PIM2: variants seen among roughly 807,000 people sequenced by gnomAD.
PIM2 encodes Pim-2 proto-oncogene, serine/threonine kinase.
Under a neutral mutation model 18.0 loss-of-function variants are expected in PIM2, and 3 were observed. The ratio of observed to expected loss-of-function variants is 0.17; its 90% CI spans 0.08 to 0.43. The LOEUF is 0.43. PIM2 is among the 20% of genes least tolerant of loss of function. The pLI, the probability that PIM2 is intolerant of heterozygous loss-of-function variation, is 0.99. For synonymous variants in PIM2, 117 were observed against 105.3 expected, an observed-to-expected ratio of 1.11 and a Z score of -0.68; for missense variants, 181 against 260.8, an observed-to-expected ratio of 0.69 and a Z score of 2.11.
At chrX:48,917,314 C>T (rs782500332) in intron 3 of PIM2, among the ~76,000 whole-genome samples, 2 of 111,951 alleles carry the variant, frequency 1.8e-5, no homozygotes, top group Non-Finnish European at 3.8e-5. Flanking sequence ...GTTTTCTCAC[C>T]GAGATGCAAA....
At position 48,914,089 on chromosome X, in the gene PIM2, G is replaced by T; in HGVS notation, c.*42C>A. 1 of 839,057 alleles carries T rather than the reference G, an allele frequency of 1.2e-6. No individual in the cohort carries two copies. 69.1% of individuals were successfully genotyped at this position (839,057 alleles called of 1,213,427 possible). A position where few individuals can be genotyped will look rare whatever the true frequency, so the allele number is the denominator to read the frequency against. The stretch of plus-strand genomic sequence containing the variant: ...TATCCCTGTGACATGGCCATGGGAT[G>T]GCTCTTCTGACCATTGGGGGCCAGG... On this transcript the variant is annotated 3_prime_UTR_variant, in exon 6 of 6. Transcript: ENST00000376509.
intron 2 of PIM2, among the ~76,000 whole-genome samples, chrX:48,918,324 TA>T (rs1468589247): frequency 1.2e-4 from 2 of 17,289 alleles, no homozygotes; most frequent in Non-Finnish European, 2.1e-4. Context: ...CATAACCTCC[TA>T]GACCGACACA....
Position 48,915,193 on chromosome X carries a change from C to A in PIM2, c.422G>T (p.Arg141Leu). The part of the protein sequence containing the change: ...EKGPLGEGPS[R>L]CFFGQVVAAI... ...TGCCACTACTTGGCCAAAGAAGCAG[C>A]GGCTTGGGCCTTCACCCAGTGGGCC... The change falls in exon 4 of 6, where the codon CGC becomes CTC. Residue 141 changes from arginine to leucine, a missense_variant. Around this residue, in one of 5 missense-constraint regions of PIM2, gnomAD observed 104 missense variants for 125.3 expected, o/e 0.83. Transcript: ENST00000376509. 1 of 1,212,052 alleles carries A rather than the reference C, an allele frequency of 8.3e-7. No individual in the cohort carries two copies. The highest frequency in any genetic ancestry group is 1.1e-6 in the Non-Finnish European group (1 of 895,368).
At chrX:48,916,392 C>G (rs2063562793) in intron 3 of PIM2, among the ~76,000 whole-genome samples, 1 of 112,823 alleles carries the variant, frequency 8.9e-6, no homozygotes, top group Non-Finnish European at 1.9e-5. Flanking sequence ...GTCAGCATCA[C>G]CAAGCACCTA....
Position 48,918,588 on chromosome X carries a change from T to G in PIM2, c.119A>C (p.Lys40Thr). The G allele has an allele frequency of 8.3e-7, 1 of 1,206,287 alleles. No individual in the cohort carries two copies. The highest frequency in any genetic ancestry group is 1.1e-6 in the Non-Finnish European group (1 of 892,072). Reference sequence around the variant, plus strand: ...TGCGAAGACGGTGCCAAAGCCCCCCTTACCCAGGAGGGGGCCGAGTCGATA... The same window carrying G: ...TGCGAAGACGGTGCCAAAGCCCCCCGTACCCAGGAGGGGGCCGAGTCGATA... Reference protein sequence around the residue: ...AEYRLGPLLGKGGFGTVFAGH... With the variant: ...AEYRLGPLLGTGGFGTVFAGH... Residue 40 changes from lysine (K) to threonine (T), a missense_variant, in exon 2 of 6, where the codon AAG becomes ACG. By Grantham distance (78) the Lys-to-Thr change is moderately conservative. Around this residue, in one of 5 missense-constraint regions of PIM2, gnomAD observed 104 missense variants for 125.3 expected, o/e 0.83. Coordinates refer to ENST00000376509, the MANE Select transcript of PIM2 (RefSeq NM_006875.4).
In PIM2 at chrX:48,918,598, G is replaced by T. The variant is rs782014876; in HGVS notation, c.109C>A (p.Leu37Ile). Residue 37 changes from leucine to isoleucine, a missense_variant, in exon 2 of 6, where the codon CTC (leucine) becomes ATC (isoleucine). Coordinates refer to ENST00000376509, the MANE Select transcript of PIM2 (RefSeq NM_006875.4). ...AFEAEYRLGP[L>I]LGKGGFGTVF... ...GTGCCAAAGCCCCCCTTACCCAGGAGGGGGCCGAGTCGATACTCGGCCTCG... is the reference window on the plus strand; with the variant it reads ...GTGCCAAAGCCCCCCTTACCCAGGATGGGGCCGAGTCGATACTCGGCCTCG... 1.7e-6 allele frequency: 2 copies of T among 1,207,740 alleles called. No individual in the cohort carries two copies. The highest frequency in any genetic ancestry group is 2.2e-6 in the Non-Finnish European group (2 of 893,054).
At chrX:48,914,915 T>C in intron 4 of PIM2, 105 bp downstream of exon 4, 2 of 704,591 alleles carry the variant, frequency 2.8e-6, no homozygotes, top group Non-Finnish European at 4.2e-6. Flanking sequence ...TCTTATATAA[T>C]GCAGTATGGG....
chrX:48,918,931 C>G lies in PIM2; in HGVS notation c.-97G>C. 4 of 726,765 alleles carry G rather than the reference C, an allele frequency of 5.5e-6. No individual in the cohort carries two copies. Among genetic ancestry groups the G allele is most frequent in the Non-Finnish European group, 8.1e-6 (4 of 495,109 alleles). The allele number at this position is 726,765 out of a possible 1,213,427, so 59.9% of individuals were successfully genotyped here. On this transcript the variant is annotated 5_prime_UTR_variant, in exon 1 of 6. Coordinates refer to ENST00000376509, the MANE Select transcript of PIM2 (RefSeq NM_006875.4). The stretch of plus-strand genomic sequence containing the variant: ...CAGCTGGGGAGCCAGGGCTGGGGGG[C>G]GCCAGGGTGGAAAGCAGAGAAACTG...
At position 48,913,960 on chromosome X, in the gene PIM2, T is replaced by C; in HGVS notation, c.*171A>G. ...GGATTGGGAAGGGAACTGGGCAGACTTGGTTTATGTCTTCTAACCCCTGAT... is the reference window on the plus strand; with the variant it reads ...GGATTGGGAAGGGAACTGGGCAGACCTGGTTTATGTCTTCTAACCCCTGAT... On this transcript the variant is annotated 3_prime_UTR_variant, in exon 6 of 6. Coordinates refer to ENST00000376509, the MANE Select transcript of PIM2 (RefSeq NM_006875.4). The C allele has an allele frequency of 2.5e-6, 1 of 394,490 alleles. No individual in the cohort carries two copies. The highest frequency in any genetic ancestry group is 4.4e-6 in the Non-Finnish European group (1 of 227,876). 32.5% of individuals were successfully genotyped at this position (394,490 alleles called of 1,213,427 possible). A position where few individuals can be genotyped will look rare whatever the true frequency, so the allele number is the denominator to read the frequency against.
rs1557045619 is a variant in PIM2, at chrX:48,918,875, A to C, written c.-41T>G. ...CAGATTGAGCCCACTGAACCCGCTA[A>C]GCCCGCAGGGCGTGGACGCCCGGGG... On this transcript the variant is annotated 5_prime_UTR_variant, in exon 1 of 6. Transcript: ENST00000376509. 20 of 1,139,630 alleles carry C rather than the reference A, an allele frequency of 1.8e-5. No homozygotes were observed. The highest frequency in any genetic ancestry group is 2.2e-5 in the Non-Finnish European group (19 of 846,064). 93.9% of individuals were successfully genotyped at this position (1,139,630 alleles called of 1,213,427 possible). A position where few individuals can be genotyped will look rare whatever the true frequency, so the allele number is the denominator to read the frequency against.
rs1294379509 is a variant in PIM2 at position 48,918,649 on chromosome X, C to G, written c.62-4G>C. 1 of 1,181,755 alleles carries G rather than the reference C, an allele frequency of 8.5e-7. No homozygotes were observed. The highest frequency in any genetic ancestry group is 1.8e-5 in the African/African-American group (1 of 56,056). ...AACGCTTCCCGATCCTTGCCTCCTACGCAGGCGGAGGCGAGGAAGTCAGGG... is the reference window on the plus strand; with the variant it reads ...AACGCTTCCCGATCCTTGCCTCCTAGGCAGGCGGAGGCGAGGAAGTCAGGG... On this transcript the variant is annotated splice_region_variant and splice_polypyrimidine_tract_variant and intron_variant, in intron 1 of 5. Transcript: ENST00000376509.
intron 4 of PIM2, 84 bp downstream of exon 4, chrX:48,914,936 C>T (rs1008989930): frequency 2.3e-6 from 2 of 883,763 alleles, no homozygotes; most frequent in Non-Finnish European, 3.2e-6. Flanking sequence ...TCAAGGATTA[C>T]AGGACACCCC....
At chrX:48,917,012 G>A (rs1359920512) in intron 3 of PIM2, among the ~76,000 whole-genome samples, 5 of 109,974 alleles carry the variant, frequency 4.5e-5, no homozygotes, top group Non-Finnish European at 9.5e-5. Flanking sequence ...AAAATTAGCC[G>A]GGCATGGTTG....
rs782445437 is a variant in PIM2, at chrX:48,915,054, G to A, written c.561C>T (p.Ala187=). 10 of 1,206,901 alleles carry A rather than the reference G, an allele frequency of 8.3e-6. No individual in the cohort carries two copies. The Admixed American group carries it at 1.8e-4, about 21-fold the overall frequency. ...CAGTGTAGGGTTCATCATGAAGCAG[G>A]GCACCAGAACCAAAATCAATGAGTT... The part of the protein sequence containing the change: ...CAKLIDFGSG[A]LLHDEPYTDF... The change falls in exon 4 of 6, where the codon GCC becomes GCT. Residue 187 remains alanine (A), a synonymous_variant. Transcript: ENST00000376509.
In PIM2 at chrX:48,918,916, G is replaced by A; in HGVS notation, c.-82C>T. On this transcript the variant is annotated 5_prime_UTR_variant, in exon 1 of 6. Coordinates refer to ENST00000376509, the MANE Select transcript of PIM2 (RefSeq NM_006875.4). ...ACGCCCGGGGCAGCGCAGCTGGGGAGCCAGGGCTGGGGGGCGCCAGGGTGG... is the reference window on the plus strand; with the variant it reads ...ACGCCCGGGGCAGCGCAGCTGGGGAACCAGGGCTGGGGGGCGCCAGGGTGG... 1.2e-6 allele frequency: 1 copy of A among 860,601 alleles called. No individual in the cohort carries two copies. The highest frequency in any genetic ancestry group is 3.4e-5 in the East Asian group (1 of 29,539). 70.9% of individuals were successfully genotyped at this position (860,601 alleles called of 1,213,427 possible).
chrX:48,914,583 C>G lies in PIM2; in HGVS notation c.596-12G>C, dbSNP rs782083390. On this transcript the variant is annotated splice_polypyrimidine_tract_variant and intron_variant, in intron 4 of 5. Transcript: ENST00000376509. The stretch of plus-strand genomic sequence containing the variant: ...GTACACCCTTGTCCCTGCACACAAG[C>G]CAGGGGTTAGACCAACTCAATCTCA... The G allele has an allele frequency of 4.2e-6, 5 of 1,196,977 alleles. No individual in the cohort carries two copies. Among genetic ancestry groups the G allele is most frequent in the Non-Finnish European group, 2.3e-6 (2 of 886,532 alleles).
At chrX:48,916,501 C>T (rs2063563134) in intron 3 of PIM2, among the ~76,000 whole-genome samples, 1 of 109,974 alleles carries the variant, frequency 9.1e-6, no homozygotes, top group Non-Finnish European at 1.9e-5. Flanking sequence ...CACCTGAGGT[C>T]GGGAGTTCGA....
chrX:48,917,754 GT>G, intron 3 of PIM2, 26 bp downstream of exon 3: 1 of 1,173,200 alleles, frequency 8.5e-7, no homozygotes, highest in Admixed American at 2.2e-5. Flanking sequence ...GAGTAGGTAG[GT>G]TAGGAAGGGC....
intron 2 of PIM2, among the ~76,000 whole-genome samples, chrX:48,918,298 G>GCCCCCCCCCCCCCCCCCCCC (rs11361543): frequency 2.4e-4 from 6 of 24,999 alleles, no homozygotes; most frequent in Non-Finnish European, 4.0e-4. Flanking sequence ...GAAGCCCCCT[G>GCCCCCCCCCCCCCCCCCCCC]CCCCCCCCCC....
Sources: gnomAD v4.1 joint callset for allele counts (sites outside exome capture counted in the v4.1 genomes callset) on GRCh38, gnomAD v4.1.1 for gene constraint, gnomAD v4.1.1 regional missense constraint, MANE v1.5 for transcripts, NCBI Gene and HGNC (gene_info 2026-07-23, HGNC 2026-07-21) for gene names.